Variants in ZNF678 observed in about 807,000 individuals in gnomAD.
The protein encoded by ZNF678 is zinc finger protein 678.
Under a neutral mutation model 3.0 loss-of-function variants are expected in ZNF678, and 5 were observed. The observed-to-expected ratio is 1.69, with a 90% CI of 0.88 to 3.56. ZNF678 has a LOEUF of 3.56. Ranked by LOEUF, ZNF678 falls within the 30% of genes most tolerant of loss-of-function variation. The probability of loss-of-function intolerance (pLI) is 0.00; values close to 1 mark genes in which losing one functional copy is unlikely to be tolerated. For synonymous variants in ZNF678, 218 were observed against 199.6 expected (o/e 1.09, Z -0.78); for missense variants, 593 against 605.0 (o/e 0.98, Z 0.21).
chr1:227,644,077 T>C (rs1258361070), intron 1 of ZNF678, among the ~76,000 whole-genome samples: 1 of 151,834 alleles, frequency 6.6e-6, no homozygotes, highest in East Asian at 1.9e-4. Context: ...GTTGGCCAAG[T>C]TGGTCTCGAA....
At chr1:227,618,017 C>T (rs1658183617) in intron 1 of ZNF678, among the ~76,000 whole-genome samples, 1 of 152,170 alleles carries the variant, frequency 6.6e-6, no homozygotes, top group African/African-American at 2.4e-5. Context: ...CCAAGGCCAA[C>T]CTGACTATAG....
At chr1:227,616,202 A>G (rs1234927650) in intron 1 of ZNF678, among the ~76,000 whole-genome samples, 1 of 152,076 alleles carries the variant, frequency 6.6e-6, no homozygotes, top group African/African-American at 2.4e-5. Context: ...CTTTACCTTC[A>G]CCAAAGGAGA....
At chr1:227,630,219 C>G (rs1169191542) in intron 1 of ZNF678, among the ~76,000 whole-genome samples, 2 of 152,162 alleles carry the variant, frequency 1.3e-5, no homozygotes, top group Non-Finnish European at 2.9e-5. Context: ...TGTTCCTTTC[C>G]CTGTGTTATA....
At chr1:227,614,151 G>T (rs1658088510) in intron 1 of ZNF678, among the ~76,000 whole-genome samples, 1 of 152,148 alleles carries the variant, frequency 6.6e-6, no homozygotes, top group African/African-American at 2.4e-5. Flanking sequence ...TGGTCTTCTG[G>T]ACTGGGCTGA....
intron 1 of ZNF678, among the ~76,000 whole-genome samples, chr1:227,563,973 C>T (rs942926485): frequency 6.6e-6 from 1 of 152,220 alleles, no homozygotes; most frequent in Non-Finnish European, 1.5e-5. Context: ...AGGGGAGGGT[C>T]ATCGGGGAGA....
At position 227,654,329 on chromosome 1, in the gene ZNF678, C is replaced by A. The variant is rs1343018723; in HGVS notation, c.86-7C>A. ...GAAGAATAACTTTTTATTTTTATTTCTTTCAGCTATTTTATCTTATTCCAT... is the reference window on the plus strand; with the variant it reads ...GAAGAATAACTTTTTATTTTTATTTATTTCAGCTATTTTATCTTATTCCAT... On this transcript the variant is annotated splice_region_variant and splice_polypyrimidine_tract_variant and intron_variant, in intron 3 of 3. Coordinates refer to ENST00000343776, the MANE Select transcript of ZNF678 (RefSeq NM_001367909.1). The A allele has an allele frequency of 1.3e-6, 2 of 1,492,792 alleles. No homozygotes were observed. Among genetic ancestry groups the A allele is most frequent in the African/African-American group, 1.4e-5 (1 of 70,836 alleles). The allele number at this position is 1,492,792 out of a possible 1,614,324, so 92.5% of individuals were successfully genotyped here.
intron 3 of ZNF678, among the ~76,000 whole-genome samples, chr1:227,652,124 A>C (rs1659106382): frequency 1.3e-5 from 2 of 152,184 alleles, no homozygotes; most frequent in South Asian, 4.1e-4. Flanking sequence ...GTGCTTATAA[A>C]TTATATATGT....
intron 1 of ZNF678, among the ~76,000 whole-genome samples, chr1:227,578,982 C>A (rs961581700): frequency 6.6e-6 from 1 of 152,100 alleles, no homozygotes; most frequent in African/African-American, 2.4e-5. Flanking sequence ...TGGATTCAGC[C>A]AACTGGTTTT....
chr1:227,667,156 TCCTC>T (rs1659516583), downstream of ZNF678, among the ~76,000 whole-genome samples: 1 of 150,744 alleles, frequency 6.6e-6, no homozygotes, highest in Non-Finnish European at 1.5e-5. Flanking sequence ...CGATCCTCCT[TCCTC>T]AGCCCCCCAA....
chr1:227,598,298 T>C, intron 1 of ZNF678: 2 of 986,508 alleles, frequency 2.0e-6, no homozygotes, highest in South Asian at 5.2e-5. Context: ...GGCTACTGAA[T>C]AGTCCAGGAA....
At chr1:227,639,016 C>T (rs918376390) in intron 1 of ZNF678, among the ~76,000 whole-genome samples, 7 of 152,064 alleles carry the variant, frequency 4.6e-5, no homozygotes, top group Non-Finnish European at 7.4e-5. Flanking sequence ...TCCAGGGCAC[C>T]GTCAGTCTTC....
chr1:227,669,375 G>C (rs780299115), intron 5 of ZNF678, among the ~76,000 whole-genome samples: 1 of 152,180 alleles, frequency 6.6e-6, no homozygotes, highest in East Asian at 1.9e-4. Context: ...ATCTCCCCAC[G>C]CCTGTAATCC....
At chr1:227,662,650 T>G (rs2102816132), downstream of ZNF678, among the ~76,000 whole-genome samples, 1 of 152,202 alleles carries the variant, frequency 6.6e-6, no homozygotes, top group East Asian at 1.9e-4. Flanking sequence ...CAACTGGAAA[T>G]GCAAGGAATT....
intron 3 of ZNF678, among the ~76,000 whole-genome samples, chr1:227,653,026 T>G (rs1046976808): frequency 2.0e-5 from 3 of 152,130 alleles, no homozygotes; most frequent in Non-Finnish European, 4.4e-5. Context: ...AGTTTTACTG[T>G]TAATAGTATT....
At position 227,671,749 on chromosome 1, in the gene ZNF678, T is replaced by C. The variant is rs554372214; in HGVS notation, c.227-5430T>C. ...TCAAAGTTATTCCACCAAACTTCTT[T>C]ACATTTCTTACAAACTGGCCAAATT... On this transcript the variant is annotated intron_variant, in intron 5 of 5. Transcript: ENST00000608949. 1.7e-4 allele frequency among the ~76,000 whole-genome samples: 26 copies of C among 152,362 alleles called. No homozygotes were observed. In the South Asian group the frequency reaches 5.4e-3, roughly 32 times the overall value.
At chr1:227,622,814 C>G (rs903877371) in intron 1 of ZNF678, among the ~76,000 whole-genome samples, 1 of 152,160 alleles carries the variant, frequency 6.6e-6, no homozygotes, top group Non-Finnish European at 1.5e-5. Flanking sequence ...TCTAGGAGCC[C>G]CCAGCCATCA....
chr1:227,591,983 G>C (rs11807529), intron 1 of ZNF678, among the ~76,000 whole-genome samples: 1 of 151,992 alleles, frequency 6.6e-6, no homozygotes, highest in Non-Finnish European at 1.5e-5. Flanking sequence ...AGGAGGGCTT[G>C]TCTTCTTCAG....
In ZNF678 at chr1:227,656,449, AT is replaced by A. The variant is rs1297555567; in HGVS notation, c.*623del. 6.6e-6 allele frequency: 1 copy of A among 151,764 alleles called. No homozygotes were observed. The highest frequency in any genetic ancestry group is 1.5e-5 in the Non-Finnish European group (1 of 67,788). 9.4% of individuals were successfully genotyped at this position (151,764 alleles called of 1,614,324 possible). The stretch of plus-strand genomic sequence containing the variant: ...GATTATATATTTTAATATTGATATA[AT>A]TCATATCTCAAATAACTTGATTTTT... On this transcript the variant is annotated 3_prime_UTR_variant, in exon 4 of 4. Coordinates refer to ENST00000343776, the MANE Select transcript of ZNF678 (RefSeq NM_001367909.1).
chr1:227,669,881 C>T (rs968777297), intron 5 of ZNF678, among the ~76,000 whole-genome samples: 5 of 152,042 alleles, frequency 3.3e-5, no homozygotes, highest in Admixed American at 3.3e-4. Context: ...AATTATTATA[C>T]CAATAAGACA....
Sources: gnomAD v4.1 joint callset for allele counts (sites outside exome capture counted in the v4.1 genomes callset) on GRCh38, gnomAD v4.1.1 for gene constraint, MANE v1.5 for transcripts, NCBI Gene and HGNC (gene_info 2026-07-23, HGNC 2026-07-21) for gene names.